Variants in R3HDM1 observed in about 807,000 individuals in gnomAD.
R3HDM1 encodes the protein R3H domain containing 1.
Under a neutral mutation model 141.1 loss-of-function variants are expected in R3HDM1, and 46 were observed. That is an observed-to-expected ratio of 0.33 (90% CI 0.26 to 0.42). R3HDM1 has a LOEUF of 0.42. Ranked by LOEUF, R3HDM1 falls within the 10% of genes least tolerant of loss-of-function variation. R3HDM1 has a pLI of 1.00. For missense variants in R3HDM1, 1,184 were observed against 1,368.3 expected, an observed-to-expected ratio of 0.87 and a Z score of 2.12; for synonymous variants, 435 against 472.9, an observed-to-expected ratio of 0.92 and a Z score of 1.04.
Position 135,724,194 on chromosome 2 carries a change from G to T in R3HDM1, c.3307G>T (p.Ala1103Ser). 1 of 1,613,904 alleles carries T rather than the reference G, an allele frequency of 6.2e-7. No homozygotes were observed. Among genetic ancestry groups the T allele is most frequent in the Non-Finnish European group, 8.5e-7 (1 of 1,179,854 alleles). The change falls in exon 27 of 27, where the codon GCA (alanine) becomes TCA (serine). Residue 1103 changes from alanine to serine, a missense_variant. By Grantham distance (99) the Ala-to-Ser change is moderately conservative. Transcript: ENST00000683871. ...TFPSISAAQN[A>S]LKKQINSVNK... ...CCCCTCCATTTCAGCTGCACAGAAT[G>T]CACTGAAGAAACAAATTAACTCAGT...
intron 21 of R3HDM1, among the ~76,000 whole-genome samples, chr2:135,688,546 C>A (rs990281726): frequency 2.0e-5 from 3 of 151,966 alleles, no homozygotes; most frequent in African/African-American, 7.2e-5. Flanking sequence ...TAGTGGACAG[C>A]ATTGTTGTGA....
At chr2:135,677,689 G>T (rs1344092565) in intron 20 of R3HDM1, among the ~76,000 whole-genome samples, 2 of 151,824 alleles carry the variant, frequency 1.3e-5, no homozygotes, top group African/African-American at 4.8e-5. Flanking sequence ...TCTCACATTG[G>T]CTGAATATTG....
At position 135,616,693 on chromosome 2, in the gene R3HDM1, G is replaced by A. The variant is rs755222892; in HGVS notation, c.239G>A (p.Arg80Gln). 1.9e-6 allele frequency: 3 copies of A among 1,608,434 alleles called. No homozygotes were observed. Among genetic ancestry groups the A allele is most frequent in the South Asian group, 1.1e-5 (1 of 90,136 alleles). Residue 80 changes from arginine (R) to glutamine (Q), a missense_variant, in exon 5 of 27, where the codon CGG becomes CAG. This residue lies in a region of R3HDM1 where 192 missense variants were observed against 215.7 expected (regional missense o/e 0.89). Transcript: ENST00000683871. ...TCAAGCTCAAAGTTAAAGCTAGTTC[G>A]GAGCCTTGCAGTGTGTGAAGAATCT... ...SKSSSKLKLVRSLAVCEESPP... is the reference protein window; with the variant it reads ...SKSSSKLKLVQSLAVCEESPP...
chr2:135,661,748 G>C (rs1228212273), intron 19 of R3HDM1, among the ~76,000 whole-genome samples: 1 of 152,184 alleles, frequency 6.6e-6, no homozygotes, highest in East Asian at 1.9e-4. Context: ...GGTGACTTAT[G>C]AATGGCTAAC....
intron 3 of R3HDM1, among the ~76,000 whole-genome samples, chr2:135,613,375 CCTT>C (rs955567911): frequency 6.6e-6 from 1 of 152,176 alleles, no homozygotes; most frequent in Non-Finnish European, 1.5e-5. Flanking sequence ...TATGTCGAGT[CCTT>C]CTCACGCTTT....
chr2:135,539,505 G>A lies in R3HDM1; in HGVS notation c.-250+7872G>A, dbSNP rs556822807. Among the ~76,000 whole-genome samples the A allele has an allele frequency of 1.7e-4, 26 of 152,286 alleles. No homozygotes were observed. In the East Asian group the frequency reaches 3.9e-3, roughly 23 times the overall value. Reference sequence around the variant, plus strand: ...AAATGTCATTATGCAGTGCGTGATTGTATTGATACAGCAACTAGAATGGAT... The same window carrying A: ...AAATGTCATTATGCAGTGCGTGATTATATTGATACAGCAACTAGAATGGAT... On this transcript the variant is annotated intron_variant, in intron 1 of 26. Transcript: ENST00000683871.
At chr2:135,605,063 A>G in intron 3 of R3HDM1, 47 bp downstream of exon 3, 1 of 1,389,592 alleles carries the variant, frequency 7.2e-7, no homozygotes. Flanking sequence ...TATTCAGTAT[A>G]TATTTATGTT....
chr2:135,695,816 G>A (rs1220151058), intron 21 of R3HDM1, among the ~76,000 whole-genome samples: 4 of 152,296 alleles, frequency 2.6e-5, no homozygotes, highest in South Asian at 4.1e-4. Flanking sequence ...CAGCCACCTC[G>A]CACTGTGAGA....
chr2:135,613,765 A>G (rs2060766369), intron 3 of R3HDM1, among the ~76,000 whole-genome samples: 1 of 152,190 alleles, frequency 6.6e-6, no homozygotes, highest in Admixed American at 6.5e-5. Context: ...GCAGTGATCC[A>G]ATATCACGCC....
chr2:135,677,796 G>C (rs192530420), intron 20 of R3HDM1, among the ~76,000 whole-genome samples: 29 of 152,242 alleles, frequency 1.9e-4, no homozygotes, highest in African/African-American at 5.8e-4. Context: ...GTGATAAACT[G>C]TTATCTAAAA....
intron 1 of R3HDM1, chr2:135,586,998 T>G: frequency 1.0e-6 from 1 of 984,346 alleles, no homozygotes; most frequent in Non-Finnish European, 1.2e-6. Context: ...TGGTAACGGT[T>G]TTCTACCCTT....
chr2:135,709,649 C>T, intron 22 of R3HDM1, 113 bp downstream of exon 22: 8 of 1,268,794 alleles, frequency 6.3e-6, no homozygotes, highest in Non-Finnish European at 8.8e-6. Context: ...CTGAAATACA[C>T]CCACAATATT....
intron 7 of R3HDM1, among the ~76,000 whole-genome samples, chr2:135,626,471 T>TA (rs1342052671): frequency 6.6e-6 from 1 of 152,150 alleles, no homozygotes; most frequent in Admixed American, 6.5e-5. Flanking sequence ...GGTTGAGTAA[T>TA]AAGTGGGAAG....
At chr2:135,589,055 T>C (rs946438431) in intron 1 of R3HDM1, among the ~76,000 whole-genome samples, 1 of 152,194 alleles carries the variant, frequency 6.6e-6, no homozygotes, top group Admixed American at 6.6e-5. Context: ...GACGCTCATT[T>C]AGCATTTACG....
At chr2:135,645,306 A>C in intron 15 of R3HDM1, 73 bp from the exon 16 acceptor site, 1 of 1,296,292 alleles carries the variant, frequency 7.7e-7, no homozygotes. Context: ...CATGCTTTGT[A>C]AATTGTTAGT....
intron 6 of R3HDM1, 41 bp downstream of exon 6, chr2:135,621,649 T>A: frequency 6.7e-7 from 1 of 1,483,904 alleles, no homozygotes; most frequent in Non-Finnish European, 9.0e-7. Flanking sequence ...AAAATTTTGC[T>A]ATCAGTAATT....
chr2:135,602,851 T>C (rs1341697858), intron 2 of R3HDM1, 143 bp downstream of exon 2: 1 of 670,276 alleles, frequency 1.5e-6, no homozygotes, highest in Non-Finnish European at 2.3e-6. Flanking sequence ...CAATTAACTT[T>C]TGTATGGGTT....
At chr2:135,684,128 T>C (rs886578119) in intron 21 of R3HDM1, among the ~76,000 whole-genome samples, 2 of 152,134 alleles carry the variant, frequency 1.3e-5, no homozygotes, top group African/African-American at 4.8e-5. Flanking sequence ...TCTCACTCTG[T>C]CGCCCAGGCT....
At chr2:135,534,595 C>A (rs918573005) in intron 1 of R3HDM1, among the ~76,000 whole-genome samples, 10 of 152,216 alleles carry the variant, frequency 6.6e-5, no homozygotes, top group African/African-American at 2.4e-4. Flanking sequence ...TGAAGTCTTT[C>A]TGACAGGAAT....
Sources: gnomAD v4.1 joint callset for allele counts (sites outside exome capture counted in the v4.1 genomes callset) on GRCh38, gnomAD v4.1.1 for gene constraint, gnomAD v4.1.1 regional missense constraint, MANE v1.5 for transcripts, NCBI Gene and HGNC (gene_info 2026-07-23, HGNC 2026-07-21) for gene names.